The following CTNS variants were observed in gnomAD, a reference collection of about 807,000 sequenced individuals.
The protein encoded by CTNS is cystinosin.
A neutral mutation model predicts 43.7 loss-of-function variants in CTNS; 27 were observed. The observed-to-expected ratio is 0.62, with a 90% CI of 0.46 to 0.85. CTNS has a LOEUF of 0.85. CTNS is among the 40% of genes least tolerant of loss of function. The pLI, the probability that CTNS is intolerant of heterozygous loss-of-function variation, is 0.00. For synonymous variants in CTNS, 187 were observed against 190.6 expected, an observed-to-expected ratio of 0.98 and a Z score of 0.16; for missense variants, 457 against 475.4, an observed-to-expected ratio of 0.96 and a Z score of 0.36.
chr17:3,657,810 A>C, intron 9 of CTNS, 195 bp from the exon 10 acceptor site: 2 of 626,926 alleles, frequency 3.2e-6, no homozygotes, highest in East Asian at 5.5e-5. Flanking sequence ...GCACCAGCCC[A>C]GGTGTGATGC....
At chr17:3,657,728 G>C (rs1384828817) in intron 9 of CTNS, 6 of 533,494 alleles carry the variant, frequency 1.1e-5, no homozygotes, top group Admixed American at 6.3e-5. Flanking sequence ...AGCAGACAGA[G>C]CTTGAGAGTC....
rs1386659300 is a variant in CTNS at position 3,661,794 on chromosome 17, T to A, written c.*1425T>A. ...CACTCAATCTGGATGTGAGCCGGGG[T>A]GGATGAGGTTCTGAAGGGCACACCA... On this transcript the variant is annotated 3_prime_UTR_variant, in exon 12 of 12. Coordinates refer to ENST00000046640, the MANE Select transcript of CTNS (RefSeq NM_004937.3). Among the ~76,000 whole-genome samples, 1 of 151,970 alleles carries A rather than the reference T, an allele frequency of 6.6e-6. No homozygotes were observed. Among genetic ancestry groups the A allele is most frequent in the African/African-American group, 2.4e-5 (1 of 41,352 alleles).
At chr17:3,653,320 G>A (rs946483799) in intron 5 of CTNS, among the ~76,000 whole-genome samples, 3 of 152,244 alleles carry the variant, frequency 2.0e-5, no homozygotes, top group Admixed American at 2.0e-4. Flanking sequence ...GGCTGAGGCA[G>A]GAGAATCACT....
intron 10 of CTNS, 65 bp downstream of exon 10, chr17:3,658,240 C>T (rs2076202636): frequency 6.3e-7 from 1 of 1,592,542 alleles, no homozygotes; most frequent in Non-Finnish European, 8.6e-7. Flanking sequence ...GGCCCAGGCC[C>T]TGCTCCGGTG....
At chr17:3,639,532 G>A (rs2075628805) in intron 2 of CTNS, among the ~76,000 whole-genome samples, 1 of 152,034 alleles carries the variant, frequency 6.6e-6, no homozygotes, top group Non-Finnish European at 1.5e-5. Context: ...GCCGGGCATG[G>A]TGGGGGGCAC....
At chr17:3,655,949 G>T in intron 7 of CTNS, 1 of 265,300 alleles carries the variant, frequency 3.8e-6, no homozygotes, top group Non-Finnish European at 7.4e-6. Flanking sequence ...ATCCGTGGTG[G>T]TAGCAGGAGG....
rs140762133 is a variant in CTNS, at chr17:3,640,897, C to A, written c.61+630C>A. On this transcript the variant is annotated intron_variant, in intron 3 of 11. Coordinates refer to ENST00000046640, the MANE Select transcript of CTNS (RefSeq NM_004937.3). The stretch of plus-strand genomic sequence containing the variant: ...CCGGCCTGGGCAACAGAGTTGAGAC[C>A]CTGACTTTAAAAGAAAAAAAAGAAG... Among the ~76,000 whole-genome samples the A allele has an allele frequency of 1.9e-3, 292 of 152,096 alleles. 8 individuals are homozygous for A. In the East Asian group the frequency reaches 0.048, roughly 25 times the overall value.
At position 3,642,142 on chromosome 17, in the gene CTNS, C is replaced by CGTGTGTGTGTGT. The variant is rs75793503; in HGVS notation, c.61+1887_61+1898dup. 7.9e-4 allele frequency among the ~76,000 whole-genome samples: 116 copies of CGTGTGTGTGTGT among 146,318 alleles called. 1 individual carries two copies. Among genetic ancestry groups the CGTGTGTGTGTGT allele is most frequent in the African/African-American group, 2.9e-3 (113 of 38,740 alleles). On this transcript the variant is annotated intron_variant, in intron 3 of 11. Transcript: ENST00000046640. Reference sequence around the variant, plus strand: ...CTGCGTGCATGTATGTGTGCCCGGGCGTGTGTGTGTGTGTGTGTGTGTGCC... The same window carrying CGTGTGTGTGTGT: ...CTGCGTGCATGTATGTGTGCCCGGGCGTGTGTGTGTGTGTGTGTGTGTGTGTGTGTGTGTGCC...
chr17:3,654,899 G>A, intron 5 of CTNS, 99 bp from the exon 6 acceptor site: 1 of 877,262 alleles, frequency 1.1e-6, no homozygotes, highest in Admixed American at 1.7e-5. Context: ...TGCGGGTGGT[G>A]CGTCCCTCCG....
chr17:3,655,953 CA>C (rs967259560), intron 7 of CTNS: 85 of 271,358 alleles, frequency 3.1e-4, no homozygotes, highest in African/African-American at 7.4e-4. Context: ...GTGGTGGTAG[CA>C]GGAGGGACCT....
chr17:3,640,510 T>G (rs1555558167), intron 3 of CTNS, among the ~76,000 whole-genome samples: 1 of 152,262 alleles, frequency 6.6e-6, no homozygotes. Flanking sequence ...TGTACCTTTC[T>G]GTACCAAAGT....
intron 4 of CTNS, among the ~76,000 whole-genome samples, chr17:3,648,143 CTCTT>C (rs2150905833): frequency 6.6e-6 from 1 of 152,332 alleles, no homozygotes; most frequent in South Asian, 2.1e-4. Flanking sequence ...CTCTCCTTCT[CTCTT>C]TATGCCTTTC....
At chr17:3,643,943 G>A (rs2075783142) in intron 3 of CTNS, among the ~76,000 whole-genome samples, 1 of 152,188 alleles carries the variant, frequency 6.6e-6, no homozygotes, top group African/African-American at 2.4e-5. Context: ...GGCGGCAGTG[G>A]TGGGAGGATG....
intron 3 of CTNS, among the ~76,000 whole-genome samples, chr17:3,642,041 C>CTGTGTGTGTGTGTGTGTG (rs371619089): frequency 0.055 from 7,925 of 143,724 alleles, 286 homozygotes; most frequent in Non-Finnish European, 0.065. Flanking sequence ...TTGCCTGGGC[C>CTGTGTGTGTGTGTGTGTG]TGTGTGTGTG....
Position 3,660,941 on chromosome 17 carries a change from A to C in CTNS, c.*572A>C. ...AGCGTCCGTGACTGCAGTAACAGCCAGCCCTACCCAGAGTATTTCTGAGCC... is the reference window on the plus strand; with the variant it reads ...AGCGTCCGTGACTGCAGTAACAGCCCGCCCTACCCAGAGTATTTCTGAGCC... On this transcript the variant is annotated 3_prime_UTR_variant, in exon 12 of 12. Coordinates refer to ENST00000046640, the MANE Select transcript of CTNS (RefSeq NM_004937.3). 1 of 715,858 alleles carries C rather than the reference A, an allele frequency of 1.4e-6. No individual in the cohort carries two copies. 44.3% of individuals were successfully genotyped at this position (715,858 alleles called of 1,614,324 possible).
Position 3,660,689 on chromosome 17 carries a change from C to T in CTNS, c.*320C>T. The T allele has an allele frequency of 1.2e-6, 2 of 1,613,558 alleles. No homozygotes were observed. Among genetic ancestry groups the T allele is most frequent in the Non-Finnish European group, 1.7e-6 (2 of 1,179,968 alleles). On this transcript the variant is annotated 3_prime_UTR_variant, in exon 12 of 12. Transcript: ENST00000046640. ...GGGCACCAAGCTTGCAGCCGAAGGC[C>T]TTGCCCCAAACTACCAGCGTTTCTG...
At chr17:3,645,924 T>C (rs1258279965) in intron 3 of CTNS, among the ~76,000 whole-genome samples, 1 of 149,522 alleles carries the variant, frequency 6.7e-6, no homozygotes, top group East Asian at 2.0e-4. Flanking sequence ...TCTCAATTCA[T>C]CTGCCTTTGA....
At chr17:3,652,815 G>A (rs1597638067) in intron 5 of CTNS, among the ~76,000 whole-genome samples, 1 of 152,342 alleles carries the variant, frequency 6.6e-6, no homozygotes, top group East Asian at 1.9e-4. Context: ...AAAAGAGCCA[G>A]GAGTGGCACA....
intron 10 of CTNS, 92 bp downstream of exon 10, chr17:3,658,267 C>A: frequency 1.3e-6 from 2 of 1,520,362 alleles, no homozygotes; most frequent in South Asian, 1.2e-5. Flanking sequence ...CTCCTGCCGG[C>A]GTGAGGAAAC....
Sources: allele counts gnomAD v4.1 joint callset (sites outside exome capture counted in the v4.1 genomes callset), GRCh38; gene constraint gnomAD v4.1.1; transcripts MANE v1.5; gene names NCBI Gene and HGNC (gene_info 2026-07-23, HGNC 2026-07-21).